NCAM2: variants seen among roughly 807,000 people sequenced by gnomAD.
The protein encoded by NCAM2 is neural cell adhesion molecule 2, also known as N-CAM-2.
In NCAM2, 30 loss-of-function variants were observed where a neutral mutation model predicts 98.1. The observed-to-expected ratio is 0.31, with a 90% CI of 0.23 to 0.41. The LOEUF (loss-of-function observed/expected upper bound fraction) is 0.41, where lower values mean the gene tolerates loss of function less well. Among genes scored for constraint, NCAM2 ranks in the 10% least tolerant of loss-of-function variants. The pLI is 1.00. For synonymous variants in NCAM2, 368 were observed against 342.4 expected (o/e 1.07, Z -0.83); for missense variants, 867 against 1,005.8 (o/e 0.86, Z 1.87).
rs796784161 is a variant in NCAM2 at position 21,115,989 on chromosome 21, G to GTGTGTC, written c.55+117374_55+117375insGTCTGT. Among the ~76,000 whole-genome samples, 491 of 130,712 alleles carry GTGTGTC rather than the reference G, an allele frequency of 3.8e-3. 1 individual carries two copies. Among genetic ancestry groups the GTGTGTC allele is most frequent in the African/African-American group, 0.012 (444 of 35,544 alleles). 85.8% of individuals were successfully genotyped at this position (130,712 alleles called of 152,430 possible). A position where few individuals can be genotyped will look rare whatever the true frequency, so the allele number is the denominator to read the frequency against. On this transcript the variant is annotated intron_variant, in intron 1 of 17. Transcript: ENST00000400546. ...TGTGTGTGTGTGTGTGTGTGTGTGT[G>GTGTGTC]TGTCTGTCTGTCTTTCATGCTGAGA...
At chr21:21,000,862 G>A (rs2064008249) in intron 1 of NCAM2, among the ~76,000 whole-genome samples, 1 of 152,064 alleles carries the variant, frequency 6.6e-6, no homozygotes, top group African/African-American at 2.4e-5. Flanking sequence ...GGATGCAGCA[G>A]CAAGTATCAG....
intron 9 of NCAM2, among the ~76,000 whole-genome samples, chr21:21,374,613 A>T (rs2075991667): frequency 6.6e-6 from 1 of 151,870 alleles, no homozygotes; most frequent in South Asian, 2.1e-4. Context: ...AGCTTTCACA[A>T]AACCCCTCTG....
chr21:21,082,012 T>G (rs113379172), intron 1 of NCAM2, among the ~76,000 whole-genome samples: 42 of 149,034 alleles, frequency 2.8e-4, no homozygotes, highest in African/African-American at 9.8e-4. Flanking sequence ...CAGAGGCGGG[T>G]GGATCAGGAG....
At chr21:21,398,209 C>CT (rs1291105293) in intron 9 of NCAM2, among the ~76,000 whole-genome samples, 3 of 152,046 alleles carry the variant, frequency 2.0e-5, no homozygotes, top group Non-Finnish European at 4.4e-5. Flanking sequence ...GGGAACTAAG[C>CT]TATGAGGATG....
At chr21:21,479,138 ATTAACTTAATCCGT>A (rs1049007843) in intron 15 of NCAM2, among the ~76,000 whole-genome samples, 56 of 148,244 alleles carry the variant, frequency 3.8e-4, no homozygotes, top group Non-Finnish European at 6.2e-4. Context: ...AACATAATGA[ATTAACTTAATCCGT>A]TTAATTTAAT....
intron 16 of NCAM2, among the ~76,000 whole-genome samples, chr21:21,526,187 A>G (rs772826806): frequency 1.1e-4 from 16 of 152,068 alleles, no homozygotes; most frequent in Non-Finnish European, 2.4e-4. Context: ...GAAGAAATAA[A>G]ACTCTCTTTG....
intron 9 of NCAM2, among the ~76,000 whole-genome samples, chr21:21,394,574 C>T (rs1331542879): frequency 2.1e-4 from 30 of 143,602 alleles, no homozygotes; most frequent in South Asian, 4.5e-4. Context: ...CTGCAAGCTC[C>T]GCCTCCCGGG....
chr21:21,432,629 A>T (rs2077371045), intron 12 of NCAM2, among the ~76,000 whole-genome samples: 1 of 151,518 alleles, frequency 6.6e-6, no homozygotes, highest in African/African-American at 2.4e-5. Context: ...TATTTCTCTC[A>T]AGAATAGGTG....
chr21:21,062,044 G>A (rs1335719260), intron 1 of NCAM2, among the ~76,000 whole-genome samples: 2 of 152,134 alleles, frequency 1.3e-5, no homozygotes, highest in African/African-American at 4.8e-5. Flanking sequence ...TCACTTAAAT[G>A]ATAAAGGGAG....
At chr21:21,337,027 A>G (rs1007214810) in intron 7 of NCAM2, among the ~76,000 whole-genome samples, 1 of 152,106 alleles carries the variant, frequency 6.6e-6, no homozygotes, top group Non-Finnish European at 1.5e-5. Flanking sequence ...GAAATTATAG[A>G]AAGTCCCTAA....
intron 12 of NCAM2, among the ~76,000 whole-genome samples, chr21:21,438,410 A>G (rs1371642038): frequency 2.6e-5 from 4 of 152,214 alleles, no homozygotes; most frequent in Non-Finnish European, 5.9e-5. Flanking sequence ...GGTTTAAGGT[A>G]CAATGGAAGC....
intron 8 of NCAM2, among the ~76,000 whole-genome samples, chr21:21,358,686 G>A (rs1041594384): frequency 1.4e-4 from 21 of 151,942 alleles, no homozygotes; most frequent in Non-Finnish European, 2.1e-4. Flanking sequence ...CTAGTATTAC[G>A]TGGTAGTTTT....
chr21:21,004,917 C>G (rs1180010064), intron 1 of NCAM2, among the ~76,000 whole-genome samples: 2 of 151,978 alleles, frequency 1.3e-5, no homozygotes, highest in Non-Finnish European at 2.9e-5. Context: ...TTCAGTGAAA[C>G]AGAAAGGGCT....
intron 1 of NCAM2, among the ~76,000 whole-genome samples, chr21:21,108,282 C>G (rs574691684): frequency 6.6e-6 from 1 of 151,996 alleles, no homozygotes; most frequent in East Asian, 1.9e-4. Context: ...TTAAGTCTCA[C>G]CCAAGAATTC....
At chr21:21,274,191 A>T (rs2072636047) in intron 1 of NCAM2, among the ~76,000 whole-genome samples, 1 of 151,724 alleles carries the variant, frequency 6.6e-6, no homozygotes. Flanking sequence ...AATTTTAATC[A>T]CTTAGCCCTA....
intron 12 of NCAM2, among the ~76,000 whole-genome samples, chr21:21,454,821 G>A (rs1219949219): frequency 2.0e-5 from 3 of 151,940 alleles, no homozygotes; most frequent in Non-Finnish European, 2.9e-5. Flanking sequence ...CACCTGCTCT[G>A]TGGTTTTGTA....
intron 1 of NCAM2, among the ~76,000 whole-genome samples, chr21:21,142,886 G>A (rs2067199271): frequency 6.6e-6 from 1 of 152,042 alleles, no homozygotes; most frequent in African/African-American, 2.4e-5. Context: ...ATTTTTGTAG[G>A]TGTAGCGTAT....
intron 1 of NCAM2, among the ~76,000 whole-genome samples, chr21:21,104,658 G>C (rs1199427955): frequency 6.6e-6 from 1 of 152,096 alleles, no homozygotes. Flanking sequence ...GAATATGCAA[G>C]AAATAGAAAG....
intron 1 of NCAM2, among the ~76,000 whole-genome samples, chr21:21,274,687 A>G (rs1444532700): frequency 6.6e-6 from 1 of 152,214 alleles, no homozygotes; most frequent in African/African-American, 2.4e-5. Context: ...TACTAAATAA[A>G]TATCTTAGTC....
Sources: gnomAD v4.1 joint callset for allele counts (sites outside exome capture counted in the v4.1 genomes callset) on GRCh38, gnomAD v4.1.1 for gene constraint, MANE v1.5 for transcripts, NCBI Gene and HGNC (gene_info 2026-07-23, HGNC 2026-07-21) for gene names.